The following NDE1 variants were observed in gnomAD, a reference collection of about 807,000 sequenced individuals.
NDE1 encodes nuclear distribution protein nudE homolog 1.
In NDE1, 28 loss-of-function variants were observed where a neutral mutation model predicts 43.4. The observed-to-expected ratio is 0.65, with a 90% CI of 0.48 to 0.89. NDE1 has a LOEUF of 0.89. NDE1 is among the 40% of genes least tolerant of loss of function. The pLI, the probability that NDE1 is intolerant of heterozygous loss-of-function variation, is 0.00. For missense variants in NDE1, 441 were observed against 434.1 expected (o/e 1.02, Z -0.14); for synonymous variants, 184 against 172.0 (o/e 1.07, Z -0.55).
At position 15,725,976 on chromosome 16, in the gene NDE1, A is replaced by T. The variant is rs1464522744; in HGVS notation, c.*1725A>T. 6 of 309,192 alleles carry T rather than the reference A, an allele frequency of 1.9e-5. No homozygotes were observed. Among genetic ancestry groups the T allele is most frequent in the South Asian group, 1.7e-4 (1 of 5,722 alleles). The allele number at this position is 309,192 out of a possible 1,614,324, so 19.2% of individuals were successfully genotyped here. A position where few individuals can be genotyped will look rare whatever the true frequency, so the allele number is the denominator to read the frequency against. On this transcript the variant is annotated 3_prime_UTR_variant, in exon 9 of 9. Coordinates refer to ENST00000396354, the MANE Select transcript of NDE1 (RefSeq NM_017668.3). ...ACTATCTCCCCCTACCCCCAACCCC[A>T]GCTGGGCACTCCAGCTCTACTGGCT...
rs748448386 is a variant in NDE1, at chr16:15,687,371, C to T, written c.387-4C>T. 4 of 1,614,110 alleles carry T rather than the reference C, an allele frequency of 2.5e-6. No homozygotes were observed. The Admixed American group carries it at 5.0e-5, about 20-fold the overall frequency. On this transcript the variant is annotated splice_polypyrimidine_tract_variant and splice_region_variant and intron_variant, in intron 4 of 8. Coordinates refer to ENST00000396354, the MANE Select transcript of NDE1 (RefSeq NM_017668.3). ...TTGGATAACTCTGCTTTTCTCTTCG[C>T]CAGCGCCACGATCATGTCTCTCGAA...
chr16:15,706,996 A>C (rs2039491401), intron 8 of NDE1, among the ~76,000 whole-genome samples: 1 of 152,158 alleles, frequency 6.6e-6, no homozygotes, highest in Admixed American at 6.5e-5. Flanking sequence ...ACAGGAACTA[A>C]GGGACCCCCC....
intron 1 of NDE1, 79 bp from the exon 2 acceptor site, chr16:15,664,657 G>GTTTTTT: frequency 5.5e-6 from 4 of 725,826 alleles, no homozygotes; most frequent in South Asian, 1.6e-5. Flanking sequence ...GCCTGGCCAA[G>GTTTTTT]TTTTTTTTTT....
intron 6 of NDE1, 140 bp downstream of exon 6, chr16:15,691,463 C>A (rs1298398241): frequency 2.0e-6 from 2 of 975,794 alleles, no homozygotes; most frequent in Admixed American, 2.1e-5. Flanking sequence ...AGAGAGTAGA[C>A]TGGGATGTTC....
intron 8 of NDE1, among the ~76,000 whole-genome samples, chr16:15,723,575 G>C (rs1390048844): frequency 2.6e-5 from 4 of 152,158 alleles, no homozygotes; most frequent in African/African-American, 9.7e-5. Context: ...TGAACCCAGT[G>C]GTGGAGGTTG....
chr16:15,685,272 C>T (rs1012853221), intron 4 of NDE1, among the ~76,000 whole-genome samples: 4 of 151,930 alleles, frequency 2.6e-5, no homozygotes, highest in African/African-American at 9.7e-5. Context: ...TTTTGTTTTT[C>T]GAGACAGGGT....
rs533519322 is a variant in NDE1, at chr16:15,719,274, G to C, written c.948-4917G>C. 1.9e-6 allele frequency: 3 copies of C among 1,612,874 alleles called. No individual in the cohort carries two copies. In the South Asian group the frequency reaches 3.3e-5, roughly 18 times the overall value. On this transcript the variant is annotated intron_variant, in intron 8 of 8. Transcript: ENST00000396354. ...TGCCAGTTCCTCCTTCTCGAGGTCC[G>C]CTTGTTTGCGAGCCCTCTCAGCGGC...
At chr16:15,718,274 G>C in intron 8 of NDE1, 1 of 1,605,436 alleles carries the variant, frequency 6.2e-7, no homozygotes, top group Non-Finnish European at 8.5e-7. Flanking sequence ...CTGCAGGAGA[G>C]ACAGTAGGCA....
chr16:15,690,908 A>G (rs1304990214), intron 5 of NDE1, among the ~76,000 whole-genome samples: 1 of 152,094 alleles, frequency 6.6e-6, no homozygotes, highest in African/African-American at 2.4e-5. Flanking sequence ...CCCAGGTTCA[A>G]ATGATTCTCA....
chr16:15,678,236 A>G (rs1287430593), intron 4 of NDE1, among the ~76,000 whole-genome samples: 1 of 152,172 alleles, frequency 6.6e-6, no homozygotes, highest in Non-Finnish European at 1.5e-5. Flanking sequence ...ACCAGGGGAA[A>G]TGCTATTTAG....
At chr16:15,703,804 A>T (rs1363419971) in intron 8 of NDE1, 1 of 771,582 alleles carries the variant, frequency 1.3e-6, no homozygotes, top group Non-Finnish European at 2.2e-6. Flanking sequence ...CCCAGGCTGG[A>T]GGGTGGTGGT....
At chr16:15,717,094 CCAT>C (rs758960770) in intron 8 of NDE1, 1 of 1,595,792 alleles carries the variant, frequency 6.3e-7, no homozygotes, top group Non-Finnish European at 8.6e-7. Flanking sequence ...CTCCTGCTGT[CCAT>C]CACCCCCCTG....
intron 8 of NDE1, chr16:15,721,256 C>T (rs910255388): frequency 1.0e-6 from 1 of 961,200 alleles, no homozygotes; most frequent in Non-Finnish European, 1.6e-6. Context: ...CCTCGACTGC[C>T]ATTCTCAGCC....
At chr16:15,704,234 T>C in intron 8 of NDE1, 1 of 1,332,578 alleles carries the variant, frequency 7.5e-7, no homozygotes. Flanking sequence ...CAATATAAAT[T>C]TTTTTTATGG....
At position 15,667,436 on chromosome 16, in the gene NDE1, C is replaced by G; in HGVS notation, c.234C>G (p.Ile78Met). The change falls in exon 3 of 9, where the codon ATC becomes ATG. Residue 78 changes from isoleucine to methionine, a missense_variant. Ile to Met is a conservative substitution (Grantham distance 10). Transcript: ENST00000396354. ...NNRLRMELET[I>M]KEKFEVQHSE... Reference sequence around the variant, plus strand: ...GCCTTCGCATGGAGCTGGAAACCATCAAGGTGAGGGGCTGAGAGGAAGTGT... The same window carrying G: ...GCCTTCGCATGGAGCTGGAAACCATGAAGGTGAGGGGCTGAGAGGAAGTGT... 1 of 1,613,780 alleles carries G rather than the reference C, an allele frequency of 6.2e-7. No individual in the cohort carries two copies. The highest frequency in any genetic ancestry group is 1.1e-5 in the South Asian group (1 of 91,072).
chr16:15,648,605 G>A (rs1011555831), upstream of NDE1, among the ~76,000 whole-genome samples: 10 of 151,626 alleles, frequency 6.6e-5, no homozygotes, highest in African/African-American at 1.9e-4. Flanking sequence ...TCAGGAGTTC[G>A]AGACCAGCCT....
At chr16:15,710,318 C>G (rs903922940) in intron 8 of NDE1, among the ~76,000 whole-genome samples, 1 of 151,932 alleles carries the variant, frequency 6.6e-6, no homozygotes, top group Non-Finnish European at 1.5e-5. Flanking sequence ...GTCAGGAGAT[C>G]GAGACCATCC....
intron 8 of NDE1, chr16:15,703,808 T>G: frequency 1.3e-6 from 1 of 785,868 alleles, no homozygotes; most frequent in Non-Finnish European, 2.1e-6. Flanking sequence ...GGCTGGAGGG[T>G]GGTGGTTTTT....
At chr16:15,708,180 A>G (rs1180890778) in intron 8 of NDE1, among the ~76,000 whole-genome samples, 1 of 152,128 alleles carries the variant, frequency 6.6e-6, no homozygotes, top group Non-Finnish European at 1.5e-5. Context: ...GTTTGTAGCT[A>G]GACATCACTC....
Sources: gnomAD v4.1 joint callset for allele counts (sites outside exome capture counted in the v4.1 genomes callset) on GRCh38, gnomAD v4.1.1 for gene constraint, MANE v1.5 for transcripts, NCBI Gene and HGNC (gene_info 2026-07-23, HGNC 2026-07-21) for gene names.